LIPC: variants seen among roughly 807,000 people sequenced by gnomAD.
LIPC encodes lipase C, hepatic type.
Under a neutral mutation model 50.7 loss-of-function variants are expected in LIPC, and 44 were observed. That is an observed-to-expected ratio of 0.87 (90% confidence interval 0.68 to 1.11). The LOEUF is 1.11. LIPC is among the 50% of genes most tolerant of loss of function. The probability of loss-of-function intolerance (pLI) is 0.00; values close to 1 mark genes in which losing one functional copy is unlikely to be tolerated. For missense variants in LIPC, 697 were observed against 648.2 expected (o/e 1.08, Z -0.82); for synonymous variants, 271 against 256.4 (o/e 1.06, Z -0.54).
intron 2 of LIPC, among the ~76,000 whole-genome samples, chr15:58,540,708 A>C (rs1893290513): frequency 6.6e-6 from 1 of 152,036 alleles, no homozygotes; most frequent in Non-Finnish European, 1.5e-5. Flanking sequence ...CTGCCCTTTC[A>C]TGATTCTGTG....
At chr15:58,558,784 G>A (rs1446130483) in intron 6 of LIPC, among the ~76,000 whole-genome samples, 4 of 152,194 alleles carry the variant, frequency 2.6e-5, no homozygotes, top group African/African-American at 9.7e-5. Context: ...ATAGGGTACT[G>A]TAGTAGGCAC....
chr15:58,432,227 G>C (rs1346285403), intron 1 of LIPC, 107 bp downstream of exon 1: 5 of 861,036 alleles, frequency 5.8e-6, no homozygotes, highest in South Asian at 4.0e-5. Context: ...GCTTGCTTCA[G>C]AGCGTGCCAG....
intron 1 of LIPC, among the ~76,000 whole-genome samples, chr15:58,514,858 G>A (rs539923941): frequency 4.6e-4 from 70 of 152,258 alleles, no homozygotes; most frequent in Non-Finnish European, 7.6e-4. Context: ...GCTGCATATC[G>A]GTTTCCTATT....
intron 1 of LIPC, among the ~76,000 whole-genome samples, chr15:58,502,042 C>T (rs1386908971): frequency 1.3e-5 from 2 of 152,052 alleles, no homozygotes; most frequent in Non-Finnish European, 2.9e-5. Flanking sequence ...GAGGCTGCAG[C>T]CAAAGATGCT....
intron 1 of LIPC, among the ~76,000 whole-genome samples, chr15:58,531,581 G>A (rs1892960460): frequency 8.3e-6 from 1 of 121,142 alleles, no homozygotes; most frequent in Admixed American, 1.1e-4. Context: ...CACAAAAGAA[G>A]AAGTTGTGGC....
chr15:58,489,516 G>C (rs764958452), intron 1 of LIPC, among the ~76,000 whole-genome samples: 2 of 152,134 alleles, frequency 1.3e-5, no homozygotes, highest in Non-Finnish European at 2.9e-5. Context: ...ATGGAAAACG[G>C]TCCTTGTGCA....
chr15:58,559,715 A>AAAC (rs1555407249), intron 6 of LIPC, among the ~76,000 whole-genome samples: 2,553 of 144,688 alleles, frequency 0.018, 38 homozygotes, highest in African/African-American at 0.026. Context: ...AAAAAAAAAA[A>AAAC]AAAAAAAAAA....
At chr15:58,438,276 C>T (rs1893377660) in intron 1 of LIPC, among the ~76,000 whole-genome samples, 1 of 152,050 alleles carries the variant, frequency 6.6e-6, no homozygotes, top group African/African-American at 2.4e-5. Flanking sequence ...CAGAACAGTC[C>T]CCATTTCATC....
At chr15:58,444,862 G>C (rs1353410321) in intron 1 of LIPC, among the ~76,000 whole-genome samples, 1 of 152,240 alleles carries the variant, frequency 6.6e-6, no homozygotes, top group Non-Finnish European at 1.5e-5. Context: ...CGGGTCCTGG[G>C]CTTGGCACTG....
chr15:58,500,940 C>G (rs1338727565), intron 1 of LIPC, among the ~76,000 whole-genome samples: 1 of 152,106 alleles, frequency 6.6e-6, no homozygotes, highest in African/African-American at 2.4e-5. Context: ...CCAGGCCATT[C>G]ATTGATACTT....
At chr15:58,489,217 C>CGGG (rs59532809) in intron 1 of LIPC, among the ~76,000 whole-genome samples, 32 of 16,464 alleles carry the variant, frequency 1.9e-3, no homozygotes, top group East Asian at 0.012. Context: ...CATTTTGTTG[C>CGGG]GGGGGCGGGG....
chr15:58,504,455 C>T (rs1001940509), intron 1 of LIPC, among the ~76,000 whole-genome samples: 1 of 152,142 alleles, frequency 6.6e-6, no homozygotes, highest in Non-Finnish European at 1.5e-5. Context: ...TGTTTCTGGA[C>T]GTCAACACCC....
intron 6 of LIPC, among the ~76,000 whole-genome samples, chr15:58,559,725 A>C (rs1894092609): frequency 6.6e-6 from 1 of 151,556 alleles, no homozygotes; most frequent in South Asian, 2.1e-4. Context: ...AAAAAAAAAA[A>C]CCCAAAACAA....
intron 1 of LIPC, among the ~76,000 whole-genome samples, chr15:58,442,390 A>G (rs1272161948): frequency 6.6e-6 from 1 of 152,218 alleles, no homozygotes; most frequent in African/African-American, 2.4e-5. Context: ...GAGGACAAAG[A>G]TGGGATTCTG....
intron 1 of LIPC, among the ~76,000 whole-genome samples, chr15:58,504,998 C>A (rs1892099636): frequency 6.6e-6 from 1 of 152,194 alleles, no homozygotes; most frequent in Non-Finnish European, 1.5e-5. Flanking sequence ...TCAGTCAAAC[C>A]AAGCTACAAA....
chr15:58,469,102 T>TTGTGTGTGTGTGTG (rs56309142), intron 1 of LIPC, among the ~76,000 whole-genome samples: 16 of 140,718 alleles, frequency 1.1e-4, no homozygotes, highest in East Asian at 1.1e-3. Context: ...AGGGAACATT[T>TTGTGTGTGTGTGTG]TGTGTGTGTG....
At chr15:58,547,289 T>C (rs1358695404) in intron 5 of LIPC, among the ~76,000 whole-genome samples, 1 of 152,134 alleles carries the variant, frequency 6.6e-6, no homozygotes, top group African/African-American at 2.4e-5. Flanking sequence ...CTTCACTACC[T>C]CCTGGGTGGA....
intron 1 of LIPC, among the ~76,000 whole-genome samples, chr15:58,488,921 A>C (rs1891470672): frequency 1.3e-5 from 2 of 152,192 alleles, no homozygotes; most frequent in Admixed American, 1.3e-4. Flanking sequence ...AAATGAACTT[A>C]ATCTTGACTT....
intron 1 of LIPC, among the ~76,000 whole-genome samples, chr15:58,462,954 T>C (rs1484184506): frequency 1.3e-5 from 2 of 152,214 alleles, no homozygotes; most frequent in Non-Finnish European, 2.9e-5. Flanking sequence ...TATTCCTTTA[T>C]TGCTAAGTGG....
Sources: gnomAD v4.1 joint callset for allele counts (sites outside exome capture counted in the v4.1 genomes callset) on GRCh38, gnomAD v4.1.1 for gene constraint, MANE v1.5 for transcripts, NCBI Gene and HGNC (gene_info 2026-07-23, HGNC 2026-07-21) for gene names.